Variants in ERLIN1 observed in about 807,000 individuals in gnomAD.
ERLIN1 encodes the protein erlin-1.
Under a neutral mutation model 46.9 loss-of-function variants are expected in ERLIN1, and 24 were observed. That is an observed-to-expected ratio of 0.51 (90% CI 0.37 to 0.72). The LOEUF is 0.72. Ranked by LOEUF, ERLIN1 falls within the 30% of genes least tolerant of loss-of-function variation. The pLI, the probability that ERLIN1 is intolerant of heterozygous loss-of-function variation, is 0.00. For synonymous variants in ERLIN1, 158 were observed against 143.2 expected (o/e 1.10, Z -0.74); for missense variants, 293 against 417.9 (o/e 0.70, Z 2.61).
At position 100,156,222 on chromosome 10, in the gene ERLIN1, A is replaced by G. The variant is rs367978782; in HGVS notation, c.668T>C (p.Ile223Thr). Residue 223 changes from isoleucine to threonine, a missense_variant, in exon 9 of 11, where the codon ATT (isoleucine) becomes ACT (threonine). By Grantham distance (89) the Ile-to-Thr change is moderately conservative (BLOSUM62 -1). This residue lies in a region of ERLIN1 where 148 missense variants were observed against 266.5 expected (regional missense o/e 0.56). Coordinates refer to ENST00000421367, the MANE Select transcript of ERLIN1 (RefSeq NM_006459.4). ...RKKAVIEAEK[I>T]AQVAKIRFQQ... ...AAACCGAATTTTTGCCACTTGTGCAATCTTCTCTGCTTCTATAATCATACA... is the reference window on the plus strand; with the variant it reads ...AAACCGAATTTTTGCCACTTGTGCAGTCTTCTCTGCTTCTATAATCATACA... 35 of 1,610,102 alleles carry G rather than the reference A, an allele frequency of 2.2e-5. No individual in the cohort carries two copies. In the African/African-American group the frequency reaches 4.5e-4, roughly 21 times the overall value.
chr10:100,177,063 A>C (rs532544944), intron 4 of ERLIN1, among the ~76,000 whole-genome samples: 1 of 152,302 alleles, frequency 6.6e-6, no homozygotes, highest in African/African-American at 2.4e-5. Context: ...CAGAGGTTGC[A>C]CTGAGCTGAG....
intron 6 of ERLIN1, among the ~76,000 whole-genome samples, chr10:100,170,134 A>G (rs1242615911): frequency 6.6e-6 from 1 of 152,228 alleles, no homozygotes; most frequent in Non-Finnish European, 1.5e-5. Context: ...AGCAAAGGCC[A>G]TTATTTTTTA....
At chr10:100,154,485 C>A (rs1842971518) in intron 10 of ERLIN1, among the ~76,000 whole-genome samples, 1 of 152,150 alleles carries the variant, frequency 6.6e-6, no homozygotes, top group South Asian at 2.1e-4. Flanking sequence ...TATCTCAACC[C>A]CAAATGCCAG....
intron 7 of ERLIN1, among the ~76,000 whole-genome samples, chr10:100,165,178 A>C (rs2134130395): frequency 6.6e-6 from 1 of 152,300 alleles, no homozygotes; most frequent in South Asian, 2.1e-4. Context: ...GTAGCTTTTA[A>C]TTCTGGAATT....
At position 100,186,006 on chromosome 10, in the gene ERLIN1, C is replaced by T. The variant is rs915917564; in HGVS notation, c.-380G>A. On this transcript the variant is annotated 5_prime_UTR_variant, in exon 1 of 11. Coordinates refer to ENST00000421367, the MANE Select transcript of ERLIN1 (RefSeq NM_006459.4). The stretch of plus-strand genomic sequence containing the variant: ...CCCGCCCGCACGTGCAGCCGACTCC[C>T]GCGCCGAGCCAACCGCCGCCAACAG... 4.0e-5 allele frequency: 17 copies of T among 419,756 alleles called. No homozygotes were observed. Among genetic ancestry groups the T allele is most frequent in the African/African-American group, 3.3e-4 (16 of 48,702 alleles). The allele number at this position is 419,756 out of a possible 1,614,324, so 26.0% of individuals were successfully genotyped here. A position where few individuals can be genotyped will look rare whatever the true frequency, so the allele number is the denominator to read the frequency against.
intron 10 of ERLIN1, 68 bp downstream of exon 10, chr10:100,154,792 G>C (rs1435100570): frequency 8.2e-7 from 1 of 1,219,882 alleles, no homozygotes; most frequent in Non-Finnish European, 1.2e-6. Context: ...TATCATATCA[G>C]AGCTCCTGAA....
intron 6 of ERLIN1, 76 bp downstream of exon 6, chr10:100,174,132 A>G: frequency 1.1e-6 from 1 of 929,066 alleles, no homozygotes; most frequent in East Asian, 2.6e-5. Flanking sequence ...TTGCTGAATA[A>G]AACAATCCAA....
chr10:100,184,243 G>A (rs897390709), intron 1 of ERLIN1, among the ~76,000 whole-genome samples: 31 of 151,990 alleles, frequency 2.0e-4, no homozygotes, highest in African/African-American at 7.5e-4. Flanking sequence ...TTGAAAAAAA[G>A]ACAATGCAAA....
At chr10:100,174,911 T>C (rs754766344) in intron 5 of ERLIN1, among the ~76,000 whole-genome samples, 5 of 152,222 alleles carry the variant, frequency 3.3e-5, no homozygotes, top group Non-Finnish European at 7.3e-5. Flanking sequence ...ACTTTCGCTA[T>C]TTAAATGACT....
Position 100,185,746 on chromosome 10 carries a change from G to C in ERLIN1, c.-120C>G. On this transcript the variant is annotated 5_prime_UTR_variant, in exon 1 of 11. Coordinates refer to ENST00000421367, the MANE Select transcript of ERLIN1 (RefSeq NM_006459.4). ...GGCGCTCTCTCGCAGGCTGAGCCGGGGAGTCCAGTACCCCTGTCCCCTCAT... is the reference window on the plus strand; with the variant it reads ...GGCGCTCTCTCGCAGGCTGAGCCGGCGAGTCCAGTACCCCTGTCCCCTCAT... 1.3e-6 allele frequency: 1 copy of C among 764,384 alleles called. No homozygotes were observed. The highest frequency in any genetic ancestry group is 2.0e-5 in the Admixed American group (1 of 49,476). The allele number at this position is 764,384 out of a possible 1,614,324, so 47.4% of individuals were successfully genotyped here. A position where few individuals can be genotyped will look rare whatever the true frequency, so the allele number is the denominator to read the frequency against.
intron 6 of ERLIN1, among the ~76,000 whole-genome samples, chr10:100,171,967 G>A (rs929320712): frequency 1.3e-5 from 2 of 152,122 alleles, no homozygotes; most frequent in African/African-American, 2.4e-5. Context: ...GAGGGGGGGA[G>A]CTGCTAAAAT....
At chr10:100,178,533 G>T (rs1041995958) in intron 3 of ERLIN1, among the ~76,000 whole-genome samples, 2 of 152,146 alleles carry the variant, frequency 1.3e-5, no homozygotes, top group African/African-American at 4.8e-5. Flanking sequence ...TCAAAGTGAG[G>T]TCTTCAGACC....
chr10:100,179,458 A>ATT (rs371022068), intron 2 of ERLIN1, among the ~76,000 whole-genome samples: 21 of 143,562 alleles, frequency 1.5e-4, no homozygotes, highest in Admixed American at 2.8e-4. Flanking sequence ...TTTTACAGCA[A>ATT]TTTTTTTTTT....
At chr10:100,177,935 A>G (rs990720663) in intron 4 of ERLIN1, among the ~76,000 whole-genome samples, 198 bp downstream of exon 4, 7 of 152,236 alleles carry the variant, frequency 4.6e-5, no homozygotes, top group African/African-American at 1.7e-4. Context: ...CTCAGAGAAG[A>G]GTAACTCATA....
chr10:100,179,639 T>G (rs1433824408), intron 2 of ERLIN1, among the ~76,000 whole-genome samples: 1 of 152,120 alleles, frequency 6.6e-6, no homozygotes, highest in Non-Finnish European at 1.5e-5. Context: ...GTATTTTTAG[T>G]AAAGATGAGG....
intron 10 of ERLIN1, among the ~76,000 whole-genome samples, chr10:100,153,920 T>C (rs1324443182): frequency 2.0e-5 from 3 of 152,164 alleles, no homozygotes; most frequent in Non-Finnish European, 4.4e-5. Context: ...AAAATTTATA[T>C]TGGTTTTCAA....
chr10:100,177,047 A>G (rs1844351777), intron 4 of ERLIN1, among the ~76,000 whole-genome samples: 1 of 152,136 alleles, frequency 6.6e-6, no homozygotes, highest in Non-Finnish European at 1.5e-5. Flanking sequence ...GCATGAACCC[A>G]AAAGGCAGAG....
At chr10:100,184,109 T>C (rs1219305753) in intron 1 of ERLIN1, among the ~76,000 whole-genome samples, 1 of 152,194 alleles carries the variant, frequency 6.6e-6, no homozygotes, top group African/African-American at 2.4e-5. Flanking sequence ...TTCAAAGGAT[T>C]CTCCTCGGTC....
At chr10:100,176,573 A>G (rs12255616) in intron 4 of ERLIN1, among the ~76,000 whole-genome samples, 7,449 of 152,216 alleles carry the variant, frequency 0.049, 606 homozygotes, top group African/African-American at 0.17. Flanking sequence ...TTAAAAAGGC[A>G]ATTTTTTAAA....
Sources: allele counts gnomAD v4.1 joint callset (sites outside exome capture counted in the v4.1 genomes callset), GRCh38; gene constraint gnomAD v4.1.1; regional missense constraint gnomAD v4.1.1; transcripts MANE v1.5; gene names NCBI Gene and HGNC (gene_info 2026-07-23, HGNC 2026-07-21).